ORC5: variants seen among roughly 807,000 people sequenced by gnomAD.
ORC5 encodes origin recognition complex subunit 5, also known as protein phosphatase 1, regulatory subunit 117.
ORC5 carries 39 observed loss-of-function variants against 58.8 expected under a neutral mutation model. That is an observed-to-expected ratio of 0.66 (90% confidence interval 0.51 to 0.87). The LOEUF (loss-of-function observed/expected upper bound fraction) is 0.87, where lower values mean the gene tolerates loss of function less well. Ranked by LOEUF, ORC5 falls within the 40% of genes least tolerant of loss-of-function variation. The pLI is 0.00. For missense variants in ORC5, 493 were observed against 506.3 expected, an observed-to-expected ratio of 0.97 and a Z score of 0.25; for synonymous variants, 218 against 177.6, an observed-to-expected ratio of 1.23 and a Z score of -1.81.
Position 104,126,713 on chromosome 7 carries a change from C to T in ORC5, c.*135G>A. The stretch of plus-strand genomic sequence containing the variant: ...CCAATCAGAATATTTTCATCAGATT[C>T]CATGCTGGGCCAGCACCTGTTTGGA... On this transcript the variant is annotated 3_prime_UTR_variant, in exon 14 of 14. Coordinates refer to ENST00000297431, the MANE Select transcript of ORC5 (RefSeq NM_002553.4). The T allele has an allele frequency of 1.9e-5, 12 of 617,518 alleles. No individual in the cohort carries two copies. The highest frequency in any genetic ancestry group is 3.1e-5 in the Non-Finnish European group (11 of 349,828). The allele number at this position is 617,518 out of a possible 1,614,324, so 38.3% of individuals were successfully genotyped here. A position where few individuals can be genotyped will look rare whatever the true frequency, so the allele number is the denominator to read the frequency against.
At position 104,156,658 on chromosome 7, in the gene ORC5, T is replaced by C. The variant is rs530394911; in HGVS notation, c.1149+4414A>G. Among the ~76,000 whole-genome samples, 6 of 151,990 alleles carry C rather than the reference T, an allele frequency of 3.9e-5. No individual in the cohort carries two copies. In the East Asian group the frequency reaches 1.2e-3, roughly 29 times the overall value. On this transcript the variant is annotated intron_variant, in intron 12 of 13. Coordinates refer to ENST00000297431, the MANE Select transcript of ORC5 (RefSeq NM_002553.4). ...AGTAAATCCAGCTATAAAAATAGCA[T>C]ATCACTATAAAATAAATTCTTAAAA...
At chr7:104,127,251 T>TA (rs1303327724) in intron 13 of ORC5, among the ~76,000 whole-genome samples, 1 of 152,238 alleles carries the variant, frequency 6.6e-6, no homozygotes, top group Non-Finnish European at 1.5e-5. Context: ...CAAAAGTATT[T>TA]AAATCTTCTT....
intron 10 of ORC5, among the ~76,000 whole-genome samples, chr7:104,165,990 C>T (rs916924205): frequency 2.6e-5 from 4 of 151,992 alleles, no homozygotes; most frequent in Non-Finnish European, 5.9e-5. Context: ...GCCAAGATCA[C>T]ACCACTGCAC....
chr7:104,180,633 T>C (rs1217333786), intron 8 of ORC5, among the ~76,000 whole-genome samples: 2 of 152,160 alleles, frequency 1.3e-5, no homozygotes, highest in African/African-American at 4.8e-5. Flanking sequence ...CTGGAAAGCC[T>C]CAAAAGACAT....
chr7:104,196,522 C>T (rs781571343), intron 4 of ORC5, among the ~76,000 whole-genome samples: 7 of 152,132 alleles, frequency 4.6e-5, no homozygotes, highest in Non-Finnish European at 8.8e-5. Context: ...CTATACCTCT[C>T]GTCCCTCAAC....
chr7:104,204,580 T>C (rs887808327), intron 1 of ORC5, among the ~76,000 whole-genome samples: 3 of 140,938 alleles, frequency 2.1e-5, no homozygotes, highest in Admixed American at 6.8e-5. Flanking sequence ...ACTCCATTTT[T>C]ATATTACTCC....
chr7:104,198,566 T>TCTGA (rs769889255), intron 3 of ORC5, among the ~76,000 whole-genome samples: 5 of 152,242 alleles, frequency 3.3e-5, no homozygotes, highest in African/African-American at 4.8e-5. Context: ...CCTGGCTGAT[T>TCTGA]CTGAAAGCAT....
At position 104,168,615 on chromosome 7, in the gene ORC5, TTTTA is replaced by T. The variant is rs541345753; in HGVS notation, c.825-94_825-91del. The T allele has an allele frequency of 9.1e-4, 586 of 643,816 alleles. 4 individuals carry two copies. Among genetic ancestry groups the T allele is most frequent in the African/African-American group, 7.5e-3 (411 of 54,496 alleles). 39.9% of individuals were successfully genotyped at this position (643,816 alleles called of 1,614,324 possible). The stretch of plus-strand genomic sequence containing the variant: ...ACAGAGCCCTAGAAAAACTAAATTT[TTTTA>T]TTTATTAACAAAACAGAAAAGAAAA... On this transcript the variant is annotated intron_variant, in intron 8 of 13. Coordinates refer to ENST00000297431, the MANE Select transcript of ORC5 (RefSeq NM_002553.4).
chr7:104,195,940 C>G (rs1201535801), intron 4 of ORC5, among the ~76,000 whole-genome samples: 1 of 152,028 alleles, frequency 6.6e-6, no homozygotes, highest in Admixed American at 6.5e-5. Flanking sequence ...TGATATCCAC[C>G]ATATTTTAAA....
intron 8 of ORC5, among the ~76,000 whole-genome samples, chr7:104,181,805 A>AAG (rs1554354561): frequency 6.6e-6 from 1 of 151,646 alleles, no homozygotes; most frequent in Non-Finnish European, 1.5e-5. Flanking sequence ...AAAAAAAAAA[A>AAG]AAAGAAAATG....
intron 13 of ORC5, among the ~76,000 whole-genome samples, chr7:104,130,500 A>G (rs1798496768): frequency 6.6e-6 from 1 of 152,104 alleles, no homozygotes; most frequent in African/African-American, 2.4e-5. Flanking sequence ...CTGTGCAAAA[A>G]GCTCTGCTAC....
At position 104,165,236 on chromosome 7, in the gene ORC5, T is replaced by G; in HGVS notation, c.1037A>C (p.Lys346Thr). ...KKTNFLKKHE[K>T]TSNHLLGPKP... The stretch of plus-strand genomic sequence containing the variant: ...CATTAGAAATTAAAATGTAAATACC[T>G]TTTCGTGTTTTTTTAGAAAGTTGGT... Residue 346 changes from lysine (K) to threonine (T), a missense_variant and splice_region_variant, in exon 11 of 14, where the codon AAG becomes ACG. Around this residue, in one of 3 missense-constraint regions of ORC5, gnomAD observed 412 missense variants for 403.7 expected, o/e 1.02. Coordinates refer to ENST00000297431, the MANE Select transcript of ORC5 (RefSeq NM_002553.4). 1 of 1,469,160 alleles carries G rather than the reference T, an allele frequency of 6.8e-7. No individual in the cohort carries two copies. The highest frequency in any genetic ancestry group is 1.4e-5 in the African/African-American group (1 of 71,386). The allele number at this position is 1,469,160 out of a possible 1,614,324, so 91.0% of individuals were successfully genotyped here. A position where few individuals can be genotyped will look rare whatever the true frequency, so the allele number is the denominator to read the frequency against.
chr7:104,188,134 A>G, intron 6 of ORC5, 117 bp downstream of exon 6: 2 of 962,800 alleles, frequency 2.1e-6, no homozygotes, highest in Non-Finnish European at 2.9e-6. Flanking sequence ...TTCAGTTTCT[A>G]ACCTATCTCA....
rs144106633 is a variant in ORC5, at chr7:104,207,953, T to C, written c.-49A>G. On this transcript the variant is annotated 5_prime_UTR_variant, in exon 1 of 14. Transcript: ENST00000297431. ...CCAGTGCAGCCAGCCCACAGGACCC[T>C]TGCACAAGACGGAGCCTCTCCCGAG... The C allele has an allele frequency of 6.5e-4, 1,012 of 1,561,820 alleles. No homozygotes were observed. The highest frequency in any genetic ancestry group is 1.3e-3 in the African/African-American group (94 of 73,862).
intron 8 of ORC5, among the ~76,000 whole-genome samples, chr7:104,177,996 G>A (rs1799357736): frequency 2.6e-5 from 4 of 152,174 alleles, no homozygotes; most frequent in Admixed American, 2.6e-4. Flanking sequence ...TTGGTTCCAA[G>A]TCTTTGCTAT....
intron 11 of ORC5, among the ~76,000 whole-genome samples, chr7:104,163,948 T>G (rs917421029): frequency 1.3e-5 from 2 of 152,246 alleles, no homozygotes; most frequent in Non-Finnish European, 2.9e-5. Flanking sequence ...TTTTTTAGTT[T>G]TGTCAAACCA....
intron 11 of ORC5, among the ~76,000 whole-genome samples, chr7:104,163,528 C>T (rs1393640595): frequency 6.6e-6 from 1 of 152,196 alleles, no homozygotes; most frequent in East Asian, 1.9e-4. Context: ...ACTCTGTTGC[C>T]CAGGCTGGAG....
chr7:104,139,769 CTT>C (rs999023857), intron 12 of ORC5, among the ~76,000 whole-genome samples: 1 of 151,858 alleles, frequency 6.6e-6, no homozygotes, highest in Non-Finnish European at 1.5e-5. Flanking sequence ...ATGTTATGTT[CTT>C]TGTTACATGT....
At chr7:104,177,674 T>C (rs765545283) in intron 8 of ORC5, among the ~76,000 whole-genome samples, 24 of 152,210 alleles carry the variant, frequency 1.6e-4, no homozygotes, top group Non-Finnish European at 2.8e-4. Flanking sequence ...ATCATCTCAG[T>C]TTTAAGCCCT....
Sources: allele counts gnomAD v4.1 joint callset (sites outside exome capture counted in the v4.1 genomes callset), GRCh38; gene constraint gnomAD v4.1.1; regional missense constraint gnomAD v4.1.1; transcripts MANE v1.5; gene names NCBI Gene and HGNC (gene_info 2026-07-23, HGNC 2026-07-21).